The following FOXO1 variants were observed in gnomAD, a reference collection of about 807,000 sequenced individuals.
FOXO1 encodes the protein forkhead box protein O1.
Under a neutral mutation model 44.1 loss-of-function variants are expected in FOXO1, and 6 were observed. That is an observed-to-expected ratio of 0.14 (90% CI 0.07 to 0.27). FOXO1 has a LOEUF of 0.27. FOXO1 is among the 10% of genes least tolerant of loss of function. The pLI is 1.00. For missense variants in FOXO1, 737 were observed against 888.8 expected (o/e 0.83, Z 2.17); for synonymous variants, 380 against 362.7 (o/e 1.05, Z -0.54).
chr13:40,587,464 TAAAG>T (rs1875212363), intron 1 of FOXO1, among the ~76,000 whole-genome samples: 1 of 152,076 alleles, frequency 6.6e-6, no homozygotes, highest in African/African-American at 2.4e-5. Context: ...TAAGAAAAAA[TAAAG>T]ATTTATCTTA....
intron 1 of FOXO1, among the ~76,000 whole-genome samples, chr13:40,580,498 C>A (rs1874914965): frequency 6.6e-6 from 1 of 152,132 alleles, no homozygotes; most frequent in East Asian, 1.9e-4. Context: ...CCTCTCCAGG[C>A]TTCAATCTCC....
At chr13:40,590,933 T>A (rs1875344477) in intron 1 of FOXO1, among the ~76,000 whole-genome samples, 1 of 152,126 alleles carries the variant, frequency 6.6e-6, no homozygotes, top group Non-Finnish European at 1.5e-5. Context: ...TCATACCTAC[T>A]CTCCTCATTT....
At chr13:40,627,882 CT>C (rs1157695486) in intron 1 of FOXO1, among the ~76,000 whole-genome samples, 1 of 151,532 alleles carries the variant, frequency 6.6e-6, no homozygotes, top group Non-Finnish European at 1.5e-5. Context: ...AATGTGAATG[CT>C]GTACTACAGA....
chr13:40,571,447 T>C (rs894968578), intron 1 of FOXO1, among the ~76,000 whole-genome samples: 3 of 152,114 alleles, frequency 2.0e-5, no homozygotes, highest in Non-Finnish European at 2.9e-5. Context: ...CTAGGATTGA[T>C]TTAGTTTTGA....
At chr13:40,645,232 G>C (rs1877471993) in intron 1 of FOXO1, among the ~76,000 whole-genome samples, 1 of 152,182 alleles carries the variant, frequency 6.6e-6, no homozygotes, top group Admixed American at 6.5e-5. Flanking sequence ...CAGACTATCA[G>C]CTGCCAGAAA....
chr13:40,635,741 G>A (rs1341145554), intron 1 of FOXO1, among the ~76,000 whole-genome samples: 2 of 152,320 alleles, frequency 1.3e-5, no homozygotes, highest in African/African-American at 4.8e-5. Flanking sequence ...GCCTCTGGAT[G>A]GTCAGGCACA....
intron 1 of FOXO1, among the ~76,000 whole-genome samples, chr13:40,662,346 TA>T (rs899727245): frequency 3.6e-4 from 54 of 151,990 alleles, no homozygotes; most frequent in African/African-American, 1.3e-3. Context: ...TGCCATTTAT[TA>T]AAAAAAATCA....
intron 1 of FOXO1, among the ~76,000 whole-genome samples, chr13:40,570,137 C>T (rs575272355): frequency 2.6e-5 from 4 of 151,964 alleles, no homozygotes; most frequent in South Asian, 4.2e-4. Flanking sequence ...CATGGTGAAA[C>T]CCCCTCTACT....
chr13:40,632,980 T>C (rs1877019352), intron 1 of FOXO1, among the ~76,000 whole-genome samples: 1 of 150,068 alleles, frequency 6.7e-6, no homozygotes, highest in African/African-American at 2.4e-5. Flanking sequence ...CCAAAGAAGA[T>C]ATACAAATAG....
chr13:40,629,951 CCTGGTT>C (rs1244730600), intron 1 of FOXO1, among the ~76,000 whole-genome samples: 1 of 152,168 alleles, frequency 6.6e-6, no homozygotes, highest in East Asian at 1.9e-4. Flanking sequence ...CAACAAGTAG[CCTGGTT>C]TGGGCTTTTC....
chr13:40,597,967 G>A (rs557079461), intron 1 of FOXO1, among the ~76,000 whole-genome samples: 8 of 152,250 alleles, frequency 5.3e-5, no homozygotes, highest in East Asian at 1.9e-4. Context: ...GGCGGTGCTC[G>A]GGCCAAGTCC....
intron 1 of FOXO1, among the ~76,000 whole-genome samples, chr13:40,597,781 C>T (rs970227251): frequency 6.6e-6 from 1 of 152,194 alleles, no homozygotes; most frequent in African/African-American, 2.4e-5. Context: ...TCACTGCCCA[C>T]ACACCCTTCT....
At chr13:40,571,920 TGAA>T (rs1355878476) in intron 1 of FOXO1, among the ~76,000 whole-genome samples, 1 of 152,222 alleles carries the variant, frequency 6.6e-6, no homozygotes, top group Non-Finnish European at 1.5e-5. Flanking sequence ...TCTCTTCTGA[TGAA>T]GAATTTAAAT....
chr13:40,599,059 C>G (rs987846404), intron 1 of FOXO1, among the ~76,000 whole-genome samples: 3 of 151,674 alleles, frequency 2.0e-5, no homozygotes, highest in African/African-American at 7.3e-5. Flanking sequence ...ATTGCTTATT[C>G]CATTAAGAGC....
chr13:40,655,231 T>C (rs1268225915), intron 1 of FOXO1, among the ~76,000 whole-genome samples: 1 of 151,146 alleles, frequency 6.6e-6, no homozygotes, highest in Non-Finnish European at 1.5e-5. Context: ...GTGCCTGTAA[T>C]CCCAGCTATT....
chr13:40,569,894 C>T (rs1230872962), intron 1 of FOXO1, among the ~76,000 whole-genome samples: 1 of 152,096 alleles, frequency 6.6e-6, no homozygotes, highest in Non-Finnish European at 1.5e-5. Context: ...TACAGGCCTG[C>T]ACCACTGCAC....
chr13:40,562,079 G>A (rs1439833437), intron 1 of FOXO1, among the ~76,000 whole-genome samples: 1 of 152,066 alleles, frequency 6.6e-6, no homozygotes, highest in African/African-American at 2.4e-5. Context: ...GGAAAACAGA[G>A]TCATTGCTTT....
chr13:40,568,559 T>C (rs1439446990), intron 1 of FOXO1, among the ~76,000 whole-genome samples: 1 of 152,216 alleles, frequency 6.6e-6, no homozygotes, highest in East Asian at 1.9e-4. Context: ...AACCCTTTTT[T>C]TACAAGAGTT....
At chr13:40,665,100 T>C (rs1343080501) in intron 1 of FOXO1, among the ~76,000 whole-genome samples, 2 of 149,594 alleles carry the variant, frequency 1.3e-5, no homozygotes, top group African/African-American at 4.9e-5. Flanking sequence ...TGCAGCCCGG[T>C]CCCGGGGCAG....
Sources: allele counts gnomAD v4.1 joint callset (sites outside exome capture counted in the v4.1 genomes callset), GRCh38; gene constraint gnomAD v4.1.1; transcripts MANE v1.5; gene names NCBI Gene and HGNC (gene_info 2026-07-23, HGNC 2026-07-21).